Variants in KIDINS220 observed in about 807,000 individuals in gnomAD.
The protein encoded by KIDINS220 is kinase D interacting substrate 220, also known as kinase D-interacting substrate of 220 kDa.
Under a neutral mutation model 157.6 loss-of-function variants are expected in KIDINS220, and 63 were observed. The ratio of observed to expected loss-of-function variants is 0.40; its 90% CI spans 0.33 to 0.49. KIDINS220 has a LOEUF of 0.49. Among genes scored for constraint, KIDINS220 ranks in the 20% least tolerant of loss-of-function variants. The probability of loss-of-function intolerance (pLI) is 0.66; values close to 1 mark genes in which losing one functional copy is unlikely to be tolerated. For synonymous variants in KIDINS220, 732 were observed against 783.6 expected (o/e 0.93, Z 1.10); for missense variants, 1,772 against 2,171.2 (o/e 0.82, Z 3.65).
chr2:8,779,657 A>AG lies in KIDINS220; in HGVS notation c.2370+16dup, dbSNP rs1208757654. 1 of 1,605,064 alleles carries AG rather than the reference A, an allele frequency of 6.2e-7. No homozygotes were observed. The highest frequency in any genetic ancestry group is 8.5e-7 in the Non-Finnish European group (1 of 1,174,010). The stretch of plus-strand genomic sequence containing the variant: ...CACAACATAACAATGGTGGCTTTTG[A>AG]GGTGGCGCAAACGTACAGTGTCCAG... On this transcript the variant is annotated intron_variant, in intron 18 of 29. Transcript: ENST00000256707.
intron 24 of KIDINS220, among the ~76,000 whole-genome samples, 192 bp downstream of exon 24, chr2:8,749,920 G>C (rs776753340): frequency 6.6e-5 from 10 of 152,054 alleles, no homozygotes; most frequent in Non-Finnish European, 1.2e-4. Flanking sequence ...AGACTCTCTT[G>C]AGACCTAGAA....
intron 12 of KIDINS220, among the ~76,000 whole-genome samples, chr2:8,793,484 A>G (rs192357590): frequency 1.5e-3 from 225 of 152,294 alleles, no homozygotes; most frequent in African/African-American, 5.0e-3. Context: ...CAACAGAGTG[A>G]GACCCAGTGC....
At chr2:8,795,577 C>T (rs1276355419) in intron 11 of KIDINS220, among the ~76,000 whole-genome samples, 4 of 152,146 alleles carry the variant, frequency 2.6e-5, no homozygotes, top group South Asian at 4.1e-4. Context: ...GCACTTTACC[C>T]GTCCTCAGTA....
In KIDINS220 at chr2:8,827,073, C is replaced by T; in HGVS notation, c.21G>A (p.Gln7=). The T allele has an allele frequency of 5.6e-6, 9 of 1,598,050 alleles. No homozygotes were observed. Among genetic ancestry groups the T allele is most frequent in the Non-Finnish European group, 7.7e-6 (9 of 1,169,460 alleles). ...CTTCCTCTACATAATTTATGACGCT[C>T]TGTGATATCAAAACTGACATTTTCA... The part of the protein sequence containing the change: MSVLIS[Q]SVINYVEEEN... The change falls in exon 2 of 30, where the codon CAG becomes CAA. Residue 7 remains glutamine (Q), a synonymous_variant. Transcript: ENST00000256707.
chr2:8,762,437 A>C (rs1208447726), intron 22 of KIDINS220, among the ~76,000 whole-genome samples: 1 of 152,194 alleles, frequency 6.6e-6, no homozygotes, highest in Non-Finnish European at 1.5e-5. Context: ...TCAAAATCAA[A>C]AGTAAAAGAA....
chr2:8,827,451 C>T (rs559515460), intron 1 of KIDINS220, among the ~76,000 whole-genome samples: 338 of 152,288 alleles, frequency 2.2e-3, no homozygotes, highest in Non-Finnish European at 4.1e-3. Flanking sequence ...GTCCATTCTT[C>T]CAAGGCCAAA....
At chr2:8,780,918 G>A (rs1048318221) in intron 17 of KIDINS220, among the ~76,000 whole-genome samples, 23 of 151,582 alleles carry the variant, frequency 1.5e-4, no homozygotes, top group African/African-American at 4.3e-4. Flanking sequence ...TAACAAATAC[G>A]ATAGATATTA....
chr2:8,814,121 T>C (rs563648063), intron 4 of KIDINS220, among the ~76,000 whole-genome samples: 6 of 152,192 alleles, frequency 3.9e-5, no homozygotes, highest in African/African-American at 1.4e-4. Context: ...TGCTAAGGCA[T>C]CTCATCTGTG....
At chr2:8,812,228 C>T (rs1013859587) in intron 6 of KIDINS220, among the ~76,000 whole-genome samples, 167 bp downstream of exon 6, 7 of 152,140 alleles carry the variant, frequency 4.6e-5, no homozygotes, top group African/African-American at 1.4e-4. Flanking sequence ...CTACATAATA[C>T]ACCCAGGGAA....
At chr2:8,761,091 G>A (rs1046345461) in intron 22 of KIDINS220, among the ~76,000 whole-genome samples, 3 of 152,046 alleles carry the variant, frequency 2.0e-5, no homozygotes, top group Non-Finnish European at 4.4e-5. Flanking sequence ...AAAATGTTCC[G>A]ACAAAAGTAC....
Position 8,785,796 on chromosome 2 carries a change from C to T in KIDINS220, c.2174G>A (p.Arg725His), listed in dbSNP as rs572569622. ...CAGTTTGGAGGCTGCATTATGGAGGCGTTTTCTTTGGGAATTCAGGAGCGA... is the reference window on the plus strand; with the variant it reads ...CAGTTTGGAGGCTGCATTATGGAGGTGTTTTCTTTGGGAATTCAGGAGCGA... Reference protein sequence around the residue: ...LDSLLNSQRKRLHNAASKLHK... With the variant: ...LDSLLNSQRKHLHNAASKLHK... The change falls in exon 17 of 30, where the codon CGC becomes CAC. Residue 725 changes from arginine (R) to histidine (H), a missense_variant. Physicochemically the swap from Arg to His is conservative, Grantham distance 29. Coordinates refer to ENST00000256707, the MANE Select transcript of KIDINS220 (RefSeq NM_020738.4). 13 of 1,613,860 alleles carry T rather than the reference C, an allele frequency of 8.1e-6. No homozygotes were observed. The highest frequency in any genetic ancestry group is 1.0e-5 in the Non-Finnish European group (12 of 1,179,972).
intron 22 of KIDINS220, chr2:8,757,301 C>T (rs1668131637): frequency 1.0e-6 from 1 of 1,004,522 alleles, no homozygotes; most frequent in Non-Finnish European, 1.2e-6. Context: ...AGCAGCATGT[C>T]CTACAACATA....
chr2:8,778,727 C>T lies in KIDINS220; in HGVS notation c.2615G>A (p.Gly872Glu). The change falls in exon 20 of 30, where the codon GGG (glycine) becomes GAG (glutamate). Residue 872 changes from glycine to glutamate, a missense_variant and splice_region_variant. By Grantham distance (98) the Gly-to-Glu change is moderately conservative. Around this residue, in one of 3 missense-constraint regions of KIDINS220, gnomAD observed 725 missense variants for 1,017.1 expected, o/e 0.71. Transcript: ENST00000256707. ...TCTTCTGTCAGCATCTTCCTGTATCCCTTAAATAATTTATCAAGACAGCAT... is the reference window on the plus strand; with the variant it reads ...TCTTCTGTCAGCATCTTCCTGTATCTCTTAAATAATTTATCAAGACAGCAT... Reference protein sequence around the residue: ...NGDVPCSDTTGIQEDADRRVS... With the variant: ...NGDVPCSDTTEIQEDADRRVS... The T allele has an allele frequency of 6.2e-7, 1 of 1,613,234 alleles. No homozygotes were observed.
chr2:8,776,661 C>T, intron 21 of KIDINS220, 87 bp downstream of exon 21: 1 of 1,190,498 alleles, frequency 8.4e-7, no homozygotes, highest in East Asian at 2.4e-5. Context: ...CATATACACA[C>T]AATACATACC....
Position 8,789,923 on chromosome 2 carries a change from T to C in KIDINS220, c.1578A>G (p.Ile526Met), listed in dbSNP as rs550562756. 6.2e-7 allele frequency: 1 copy of C among 1,613,644 alleles called. No homozygotes were observed. The highest frequency in any genetic ancestry group is 8.5e-7 in the Non-Finnish European group (1 of 1,179,886). The change falls in exon 14 of 30, where the codon ATA becomes ATG. Residue 526 changes from isoleucine (I) to methionine (M), a missense_variant. Ile to Met is a conservative substitution (Grantham distance 10). This residue lies in a region of KIDINS220 where 725 missense variants were observed against 1,017.1 expected (regional missense o/e 0.71). Transcript: ENST00000256707. ...FAFTVHPNLG[I>M]AVSLSFLALL... Reference sequence around the variant, plus strand: ...GAGCCAAGAAGCTCAGTGACACTGCTATTCCAAGATTTGGGTGGACCGTGA... The same window carrying C: ...GAGCCAAGAAGCTCAGTGACACTGCCATTCCAAGATTTGGGTGGACCGTGA...
intron 22 of KIDINS220, 101 bp from the exon 23 acceptor site, chr2:8,751,745 G>T: frequency 1.3e-6 from 1 of 794,636 alleles, no homozygotes; most frequent in East Asian, 2.7e-5. Flanking sequence ...TACACATCTT[G>T]GTCTGATGGA....
intron 26 of KIDINS220, 27 bp from the exon 27 acceptor site, chr2:8,737,026 T>C (rs755622500): frequency 1.2e-6 from 2 of 1,611,826 alleles, no homozygotes; most frequent in Admixed American, 3.3e-5. Flanking sequence ...AAAATACAGG[T>C]ATGAATAAGC....
At position 8,731,001 on chromosome 2, in the gene KIDINS220, T is replaced by G. The variant is rs1189991657; in HGVS notation, c.5035A>C (p.Thr1679Pro). The G allele has an allele frequency of 6.2e-7, 1 of 1,614,104 alleles. No individual in the cohort carries two copies. Among genetic ancestry groups the G allele is most frequent in the Non-Finnish European group, 8.5e-7 (1 of 1,180,024 alleles). The part of the protein sequence containing the change: ...ACQKAYNLNR[T>P]PSTVTLNNNS... ...TTGTTCAGAGTCACGGTGCTGGGAG[T>G]TCGGTTCAGGTTGTAGGCTTTCTGG... The change falls in exon 30 of 30, where the codon ACT becomes CCT. Residue 1679 changes from threonine to proline, a missense_variant. By Grantham distance (38) the Thr-to-Pro change is conservative (BLOSUM62 -1). Transcript: ENST00000256707. This position sits in a 1 kb window ranked among gnomAD's most constrained non-coding sequence, Gnocchi z 5.2.
At chr2:8,787,804 A>T (rs1349295787) in intron 15 of KIDINS220, among the ~76,000 whole-genome samples, 1 of 143,128 alleles carries the variant, frequency 7.0e-6, no homozygotes, top group African/African-American at 2.6e-5. Context: ...AACATTTTTC[A>T]TCTTTTCTTT....
Sources: gnomAD v4.1 joint callset for allele counts (sites outside exome capture counted in the v4.1 genomes callset) on GRCh38, gnomAD v4.1.1 for gene constraint, gnomAD v4.1.1 regional missense constraint, Gnocchi (gnomAD v3.1) non-coding constraint, MANE v1.5 for transcripts, NCBI Gene and HGNC (gene_info 2026-07-23, HGNC 2026-07-21) for gene names.